NME8: variants seen among roughly 807,000 people sequenced by gnomAD.
NME8 encodes the protein NME/NM23 family member 8.
In NME8, 72 loss-of-function variants were observed where a neutral mutation model predicts 82.3. The ratio of observed to expected loss-of-function variants is 0.87; its 90% CI spans 0.72 to 1.06. The LOEUF (loss-of-function observed/expected upper bound fraction) is 1.06, where lower values mean the gene tolerates loss of function less well. Among genes scored for constraint, NME8 ranks in the 50% least tolerant of loss-of-function variants. The pLI, the probability that NME8 is intolerant of heterozygous loss-of-function variation, is 0.00. For missense variants in NME8, 712 were observed against 685.4 expected, an observed-to-expected ratio of 1.04 and a Z score of -0.43; for synonymous variants, 267 against 228.5, an observed-to-expected ratio of 1.17 and a Z score of -1.52.
At chr7:37,855,658 T>C (rs142128364) in intron 5 of NME8, among the ~76,000 whole-genome samples, 46 of 152,312 alleles carry the variant, frequency 3.0e-4, no homozygotes, top group African/African-American at 1.0e-3. Context: ...TCCTGATATG[T>C]TAATATTTTT....
chr7:37,890,635 C>T (rs773648120), intron 15 of NME8, among the ~76,000 whole-genome samples: 4 of 151,952 alleles, frequency 2.6e-5, no homozygotes, highest in Non-Finnish European at 5.9e-5. Flanking sequence ...AGGAGATCAA[C>T]TTCTTTAGGT....
chr7:37,899,875 C>G (rs994278723), intron 17 of NME8, among the ~76,000 whole-genome samples: 1 of 152,136 alleles, frequency 6.6e-6, no homozygotes, highest in Non-Finnish European at 1.5e-5. Context: ...CCTTTACACT[C>G]CAGCCTGTCC....
intron 12 of NME8, among the ~76,000 whole-genome samples, chr7:37,884,094 A>G (rs1381730790): frequency 6.6e-6 from 1 of 152,170 alleles, no homozygotes; most frequent in Non-Finnish European, 1.5e-5. Context: ...TGATTCCTAT[A>G]CGATGAAAAA....
At chr7:37,877,343 A>G (rs979065094) in intron 12 of NME8, among the ~76,000 whole-genome samples, 1 of 152,176 alleles carries the variant, frequency 6.6e-6, no homozygotes, top group East Asian at 1.9e-4. Context: ...TGAACAAGAT[A>G]TTTTACCAAG....
intron 12 of NME8, among the ~76,000 whole-genome samples, chr7:37,882,877 C>T (rs1784984965): frequency 6.6e-6 from 1 of 151,970 alleles, no homozygotes; most frequent in Non-Finnish European, 1.5e-5. Flanking sequence ...ATAGTGCAAG[C>T]AAAATAAAAT....
At chr7:37,857,051 AGGTT>A (rs1784522045) in intron 5 of NME8, among the ~76,000 whole-genome samples, 1 of 152,170 alleles carries the variant, frequency 6.6e-6, no homozygotes, top group African/African-American at 2.4e-5. Flanking sequence ...GTTTGGCTAA[AGGTT>A]GGTTAATGTA....
intron 14 of NME8, 40 bp downstream of exon 14, chr7:37,885,292 C>A: frequency 1.6e-6 from 2 of 1,277,232 alleles, no homozygotes; most frequent in Non-Finnish European, 1.1e-6. Flanking sequence ...TTTTCGTGGG[C>A]TCCATTTTAA....
At chr7:37,886,743 A>T (rs898609581) in intron 14 of NME8, among the ~76,000 whole-genome samples, 1 of 152,026 alleles carries the variant, frequency 6.6e-6, no homozygotes, top group Non-Finnish European at 1.5e-5. Flanking sequence ...TCATTCAATC[A>T]TTGTCCAAAT....
At chr7:37,888,580 C>A in intron 15 of NME8, 152 bp downstream of exon 15, 1 of 674,710 alleles carries the variant, frequency 1.5e-6, no homozygotes, top group Non-Finnish European at 2.6e-6. Flanking sequence ...TTAGATTCAA[C>A]AATTAACTTT....
rs1273442015 is a variant in NME8 at position 37,848,723 on chromosome 7, GC to G, written c.-243del. The G allele has an allele frequency of 6.6e-6, 1 of 152,322 alleles. No homozygotes were observed. Among genetic ancestry groups the G allele is most frequent in the Non-Finnish European group, 1.5e-5 (1 of 68,114 alleles). 9.4% of individuals were successfully genotyped at this position (152,322 alleles called of 1,614,324 possible). Reference sequence around the variant, plus strand: ...GGCGCCACCTGGTCTTGTCCCCACTGCCCAGGTATAGCTGCTGTCTGGAGCA... The same window carrying G: ...GGCGCCACCTGGTCTTGTCCCCACTGCCAGGTATAGCTGCTGTCTGGAGCA... On this transcript the variant is annotated 5_prime_UTR_variant, in exon 1 of 18. An upstream open reading frame in the 5' UTR loses its in-frame stop. Transcript: ENST00000199447.
At chr7:37,859,738 C>G (rs1784570996) in intron 6 of NME8, among the ~76,000 whole-genome samples, 2 of 152,182 alleles carry the variant, frequency 1.3e-5, no homozygotes, top group Admixed American at 6.6e-5. Flanking sequence ...CTGCCATCAC[C>G]TTGAGGACTT....
intron 16 of NME8, among the ~76,000 whole-genome samples, chr7:37,895,427 A>G (rs1239144264): frequency 6.6e-6 from 1 of 152,136 alleles, no homozygotes; most frequent in Non-Finnish European, 1.5e-5. Context: ...TTTGATTTTG[A>G]GAGAACATAG....
intron 10 of NME8, 48 bp downstream of exon 10, chr7:37,865,665 G>A (rs137894138): frequency 4.1e-6 from 5 of 1,232,914 alleles, no homozygotes; most frequent in East Asian, 4.7e-5. Context: ...AAATACAGTG[G>A]CCTCCATAAG....
chr7:37,864,619 C>T (rs189386977), intron 9 of NME8, among the ~76,000 whole-genome samples, 198 bp downstream of exon 9: 12 of 152,256 alleles, frequency 7.9e-5, no homozygotes, highest in Admixed American at 7.8e-4. Flanking sequence ...AATGATCCTA[C>T]TCTACCAGCA....
chr7:37,850,788 A>G, intron 5 of NME8, 53 bp downstream of exon 5: 2 of 1,138,544 alleles, frequency 1.8e-6, no homozygotes, highest in Non-Finnish European at 2.7e-6. Flanking sequence ...TTAAGTTTTT[A>G]AGTATCCTCT....
intron 12 of NME8, among the ~76,000 whole-genome samples, chr7:37,880,831 C>A (rs1784933207): frequency 6.6e-6 from 1 of 151,712 alleles, no homozygotes; most frequent in Admixed American, 6.6e-5. Flanking sequence ...TTGTAGTTTT[C>A]TTCATTTAGA....
intron 7 of NME8, 125 bp downstream of exon 7, chr7:37,862,269 A>T (rs975073743): frequency 9.8e-6 from 7 of 717,378 alleles, no homozygotes; most frequent in East Asian, 2.7e-5. Flanking sequence ...TTAATTTTAA[A>T]AAAGTACATT....
rs947276310 is a variant in NME8 at position 37,876,967 on chromosome 7, A to G, written c.954A>G (p.Thr318=). The G allele has an allele frequency of 6.2e-7, 1 of 1,613,282 alleles. No individual in the cohort carries two copies. Among genetic ancestry groups the G allele is most frequent in the Non-Finnish European group, 8.5e-7 (1 of 1,179,586 alleles). ...TGAAAAGCATGAAATTAGAAAAGAC[A>G]TTGGCATTACTTCGACCAAATCTCT... ...KKMKSMKLEK[T]LALLRPNLFH... The change falls in exon 12 of 18, where the codon ACA becomes ACG. Residue 318 remains threonine (T), a synonymous_variant. Transcript: ENST00000199447.
chr7:37,849,688 T>G (rs947653884), intron 2 of NME8, among the ~76,000 whole-genome samples: 2 of 151,824 alleles, frequency 1.3e-5, no homozygotes, highest in Non-Finnish European at 2.9e-5. Flanking sequence ...GTTAACACGG[T>G]GAAATTCTGT....
Sources: gnomAD v4.1 joint callset for allele counts (sites outside exome capture counted in the v4.1 genomes callset) on GRCh38, gnomAD v4.1.1 for gene constraint, MANE v1.5 for transcripts, NCBI Gene and HGNC (gene_info 2026-07-23, HGNC 2026-07-21) for gene names.